Variants in CIAO1 observed in about 807,000 individuals in gnomAD.
CIAO1 encodes probable cytosolic iron-sulfur protein assembly protein CIAO1.
A neutral mutation model predicts 43.1 loss-of-function variants in CIAO1; 32 were observed. That is an observed-to-expected ratio of 0.74 (90% CI 0.56 to 1.00). CIAO1 has a LOEUF of 1.00. Ranked by LOEUF, CIAO1 falls within the 50% of genes least tolerant of loss-of-function variation. The pLI is 0.00. For synonymous variants in CIAO1, 183 were observed against 171.4 expected, an observed-to-expected ratio of 1.07 and a Z score of -0.53; for missense variants, 415 against 437.4, an observed-to-expected ratio of 0.95 and a Z score of 0.46.
chr2:96,271,266 AC>A lies in CIAO1; in HGVS notation c.939del (p.Lys314ArgfsTer35), dbSNP rs1396589485. 1 of 1,614,058 alleles carries A rather than the reference AC, an allele frequency of 6.2e-7. No individual in the cohort carries two copies. The highest frequency in any genetic ancestry group is 1.7e-5 in the Admixed American group (1 of 60,004). ...CAGGATGTCAACTGTGTGGCCTGGA[AC>A]CCCAAGGAGCCAGGGCTACTGGCCT... ...HSQDVNCVAWNPKEPGLLASC... is the reference protein window; with the variant it reads ...HSQDVNCVAWXPKEPGLLASC... On this transcript the variant is annotated frameshift_variant, in exon 7 of 7. Transcript: ENST00000488633. LOFTEE classifies it high-confidence loss of function.
intron 5 of CIAO1, 82 bp from the exon 6 acceptor site, chr2:96,269,186 G>A: frequency 8.7e-7 from 1 of 1,147,402 alleles, no homozygotes. Flanking sequence ...TGAAGATGAG[G>A]GTGAGGGAAG....
At chr2:96,268,428 TG>T in intron 4 of CIAO1, 28 bp from the exon 5 acceptor site, 4 of 1,599,744 alleles carry the variant, frequency 2.5e-6, no homozygotes, top group Non-Finnish European at 3.4e-6. Flanking sequence ...CACAGACACA[TG>T]TTGGGTTTCC....
chr2:96,266,297 G>T lies in CIAO1; in HGVS notation c.-54G>T, dbSNP rs1374106870. 2 of 1,329,184 alleles carry T rather than the reference G, an allele frequency of 1.5e-6. No individual in the cohort carries two copies. Among genetic ancestry groups the T allele is most frequent in the African/African-American group, 1.5e-5 (1 of 65,698 alleles). The allele number at this position is 1,329,184 out of a possible 1,614,324, so 82.3% of individuals were successfully genotyped here. On this transcript the variant is annotated 5_prime_UTR_variant, in exon 1 of 7. Transcript: ENST00000488633. Reference sequence around the variant, plus strand: ...TACGCAGACGCGCGCGGTGAGACCCGCTGTCTGCTCAGCGGACTCTGCCCG... The same window carrying T: ...TACGCAGACGCGCGCGGTGAGACCCTCTGTCTGCTCAGCGGACTCTGCCCG...
chr2:96,266,600 G>A lies in CIAO1; in HGVS notation c.139+111G>A, dbSNP rs1185407821. 2.5e-6 allele frequency: 3 copies of A among 1,181,984 alleles called. No homozygotes were observed. In the African/African-American group the frequency reaches 4.7e-5, roughly 19 times the overall value. The allele number at this position is 1,181,984 out of a possible 1,614,324, so 73.2% of individuals were successfully genotyped here. On this transcript the variant is annotated intron_variant, in intron 1 of 6. Coordinates refer to ENST00000488633, the MANE Select transcript of CIAO1 (RefSeq NM_004804.3). ...AACCTGTTCCTGGCGGAGGGAGAGT[G>A]GGATGTTAGCCACGCCGAGAAGGGC...
chr2:96,270,532 G>A (rs1684528884), intron 6 of CIAO1, among the ~76,000 whole-genome samples: 3 of 151,216 alleles, frequency 2.0e-5, no homozygotes, highest in Non-Finnish European at 2.9e-5. Flanking sequence ...ATGATGGCTG[G>A]GCCCAGTGGC....
chr2:96,268,894 C>T (rs916421981), intron 5 of CIAO1: 1 of 570,318 alleles, frequency 1.8e-6, no homozygotes, highest in Non-Finnish European at 3.1e-6. Context: ...CAAGTGAAAA[C>T]TCAACAGTGT....
rs772197431 is a variant in CIAO1, at chr2:96,269,338, C to G, written c.762C>G (p.Thr254=). ...CTTTGTCCGGCTTCCACTCAAGGACCATTTATGACATTGCTTGGTAAGACT... is the reference window on the plus strand; with the variant it reads ...CTTTGTCCGGCTTCCACTCAAGGACGATTTATGACATTGCTTGGTAAGACT... ...ICTLSGFHSR[T]IYDIAWCQLT... The change falls in exon 6 of 7, where the codon ACC becomes ACG. Residue 254 remains threonine (T), a synonymous_variant. Transcript: ENST00000488633. 6.2e-7 allele frequency: 1 copy of G among 1,614,098 alleles called. No individual in the cohort carries two copies. The highest frequency in any genetic ancestry group is 1.1e-5 in the South Asian group (1 of 91,078).
Position 96,268,450 on chromosome 2 carries a change from C to A in CIAO1, c.490-7C>A, listed in dbSNP as rs1684479337. 6.2e-7 allele frequency: 1 copy of A among 1,613,784 alleles called. No homozygotes were observed. Among genetic ancestry groups the A allele is most frequent in the African/African-American group, 1.3e-5 (1 of 74,944 alleles). On this transcript the variant is annotated splice_polypyrimidine_tract_variant and splice_region_variant and intron_variant, in intron 4 of 6. Coordinates refer to ENST00000488633, the MANE Select transcript of CIAO1 (RefSeq NM_004804.3). ...ACATGTTGGGTTTCCTTTCACTCTT[C>A]CCCCAGCTCTTAGCTTCTGCCAGCT...
At position 96,271,517 on chromosome 2, in the gene CIAO1, C is replaced by T. The variant is rs1342841485; in HGVS notation, c.*166C>T. Reference sequence around the variant, plus strand: ...GAGCCACAGAATTGCTTTCCTTCCCCGCCTTTGACATGAGGCCTTCAGTAA... The same window carrying T: ...GAGCCACAGAATTGCTTTCCTTCCCTGCCTTTGACATGAGGCCTTCAGTAA... On this transcript the variant is annotated 3_prime_UTR_variant, in exon 7 of 7. Transcript: ENST00000488633. 41 of 759,986 alleles carry T rather than the reference C, an allele frequency of 5.4e-5. No individual in the cohort carries two copies. Among genetic ancestry groups the T allele is most frequent in the African/African-American group, 1.6e-4 (9 of 56,806 alleles). The allele number at this position is 759,986 out of a possible 1,614,324, so 47.1% of individuals were successfully genotyped here.
At position 96,271,765 on chromosome 2, in the gene CIAO1, C is replaced by A. The variant is rs187775974; in HGVS notation, c.*414C>A. On this transcript the variant is annotated 3_prime_UTR_variant, in exon 7 of 7. Transcript: ENST00000488633. The stretch of plus-strand genomic sequence containing the variant: ...ATTCATAAAAATTCCATGGTGAATC[C>A]TTGTCTGAAATAGGTCCTCCCTTCC... The A allele has an allele frequency of 1.3e-3, 206 of 158,684 alleles. No homozygotes were observed. The highest frequency in any genetic ancestry group is 3.3e-3 in the Middle Eastern group (1 of 304). 9.8% of individuals were successfully genotyped at this position (158,684 alleles called of 1,614,324 possible). A position where few individuals can be genotyped will look rare whatever the true frequency, so the allele number is the denominator to read the frequency against.
chr2:96,274,033 ACT>A lies in CIAO1; in HGVS notation c.*2685_*2686del, dbSNP rs1207310479. Among the ~76,000 whole-genome samples the A allele has an allele frequency of 3.9e-5, 6 of 152,006 alleles. No individual in the cohort carries two copies. The highest frequency in any genetic ancestry group is 2.6e-4 in the Admixed American group (4 of 15,238). On this transcript the variant is annotated 3_prime_UTR_variant, in exon 7 of 7. Transcript: ENST00000488633. ...AGGTCAGCCTGGGCAACATGGCTAA[ACT>A]CTGTCTCTATTAAGAAAAAAAATGT... is the stretch of plus-strand genomic sequence containing the variant.
chr2:96,267,801 G>T (rs533031745), intron 3 of CIAO1, 35 bp from the exon 4 acceptor site: 10 of 1,612,488 alleles, frequency 6.2e-6, no homozygotes, highest in Non-Finnish European at 8.5e-6. Context: ...TCCCTGACAG[G>T]GTCGGCTCTT....
intron 5 of CIAO1, chr2:96,269,011 G>A: frequency 1.7e-6 from 1 of 583,306 alleles, no homozygotes; most frequent in East Asian, 2.9e-5. Flanking sequence ...GGTTGGGTCG[G>A]CTGGTGGGTG....
chr2:96,267,525 C>G, intron 2 of CIAO1, 56 bp downstream of exon 2: 2 of 1,609,990 alleles, frequency 1.2e-6, no homozygotes, highest in South Asian at 2.2e-5. Context: ...AGGGCTGGTT[C>G]AGGAACCTGA....
At position 96,269,367 on chromosome 2, in the gene CIAO1, T is replaced by TCCC. The variant is rs767606370; in HGVS notation, c.779+16_779+18dup. 1.2e-6 allele frequency: 2 copies of TCCC among 1,606,770 alleles called. No individual in the cohort carries two copies. The highest frequency in any genetic ancestry group is 2.7e-5 in the African/African-American group (2 of 74,648). On this transcript the variant is annotated intron_variant, in intron 6 of 6. Transcript: ENST00000488633. The stretch of plus-strand genomic sequence containing the variant: ...TATGACATTGCTTGGTAAGACTCCA[T>TCCC]CCCCCCACCCCATCCCATCCCCATA...
rs1684601731 is a variant in CIAO1, at chr2:96,273,794, A to G, written c.*2443A>G. On this transcript the variant is annotated 3_prime_UTR_variant, in exon 7 of 7. Coordinates refer to ENST00000488633, the MANE Select transcript of CIAO1 (RefSeq NM_004804.3). ...CTGTGTGAAGTCAACTTACTTCAAC[A>G]AAAAAGTTTGGATGTAGAAGCAGCT... 1.3e-5 allele frequency among the ~76,000 whole-genome samples: 2 copies of G among 152,172 alleles called. No homozygotes were observed. The highest frequency in any genetic ancestry group is 3.8e-4 in the East Asian group (2 of 5,206).
At position 96,273,432 on chromosome 2, in the gene CIAO1, G is replaced by C. The variant is rs1684592101; in HGVS notation, c.*2081G>C. 1 of 152,112 alleles carries C rather than the reference G, an allele frequency of 6.6e-6. No individual in the cohort carries two copies. Among genetic ancestry groups the C allele is most frequent in the South Asian group, 2.1e-4 (1 of 4,830 alleles). 9.4% of individuals were successfully genotyped at this position (152,112 alleles called of 1,614,324 possible). On this transcript the variant is annotated 3_prime_UTR_variant, in exon 7 of 7. Coordinates refer to ENST00000488633, the MANE Select transcript of CIAO1 (RefSeq NM_004804.3). ...TAATCCCAACACTTTGGGAGGCCAA[G>C]GTGGGTGGATCACAAGGTCAGGAGT... is the stretch of plus-strand genomic sequence containing the variant.
chr2:96,266,472 G>A lies in CIAO1; in HGVS notation c.122G>A (p.Arg41His). Reference sequence around the variant, plus strand: ...TCGTGCGGCGGCGACCGGAGAATCCGCATCTGGGGCACGGAGGGTAAGGCC... The same window carrying A: ...TCGTGCGGCGGCGACCGGAGAATCCACATCTGGGGCACGGAGGGTAAGGCC... ...LASCGGDRRIRIWGTEGDSWI... is the reference protein window; with the variant it reads ...LASCGGDRRIHIWGTEGDSWI... The change falls in exon 1 of 7, where the codon CGC becomes CAC. Residue 41 changes from arginine to histidine, a missense_variant. Physicochemically the swap from Arg to His is conservative, Grantham distance 29. Transcript: ENST00000488633. 1 of 1,543,906 alleles carries A rather than the reference G, an allele frequency of 6.5e-7. No homozygotes were observed. Among genetic ancestry groups the A allele is most frequent in the Non-Finnish European group, 8.8e-7 (1 of 1,138,080 alleles).
chr2:96,268,112 G>A, intron 4 of CIAO1, 188 bp downstream of exon 4: 1 of 629,894 alleles, frequency 1.6e-6, no homozygotes, highest in Non-Finnish European at 2.8e-6. Flanking sequence ...TCAGCACTTT[G>A]GGAGGCCATG....
Sources: allele counts gnomAD v4.1 joint callset (sites outside exome capture counted in the v4.1 genomes callset), GRCh38; gene constraint gnomAD v4.1.1; transcripts MANE v1.5; gene names NCBI Gene and HGNC (gene_info 2026-07-23, HGNC 2026-07-21).